The following PIP5K1C variants were observed in gnomAD, a reference collection of about 807,000 sequenced individuals.
PIP5K1C encodes the protein phosphatidylinositol-4-phosphate 5-kinase type 1 gamma.
In PIP5K1C, 45 loss-of-function variants were observed where a neutral mutation model predicts 80.1. That is an observed-to-expected ratio of 0.56 (90% confidence interval 0.44 to 0.72). PIP5K1C has a LOEUF of 0.72. PIP5K1C is among the 30% of genes least tolerant of loss of function. PIP5K1C has a pLI of 0.00. For missense variants in PIP5K1C, 753 were observed against 954.6 expected (o/e 0.79, Z 2.78); for synonymous variants, 498 against 420.1 (o/e 1.19, Z -2.27).
intron 9 of PIP5K1C, among the ~76,000 whole-genome samples, chr19:3,647,640 C>T (rs189136765): frequency 1.7e-3 from 256 of 152,234 alleles, no homozygotes; most frequent in Non-Finnish European, 2.4e-3. Flanking sequence ...GAGGGGGTGA[C>T]TGTTTTTAAA....
In PIP5K1C at chr19:3,645,957, G is replaced by C. The variant is rs556711125; in HGVS notation, c.1345+17C>G. ...TCCCCAGGGTCCCTCCCGCCTTGCG[G>C]GGCTCAGGTGGCTTACAGGAGTTCT... On this transcript the variant is annotated intron_variant, in intron 11 of 17. Coordinates refer to ENST00000335312, the MANE Select transcript of PIP5K1C (RefSeq NM_012398.3). 2 of 1,605,054 alleles carry C rather than the reference G, an allele frequency of 1.2e-6. No individual in the cohort carries two copies. The highest frequency in any genetic ancestry group is 2.2e-5 in the South Asian group (2 of 90,918).
At chr19:3,681,121 A>G (rs1017173762) in intron 1 of PIP5K1C, among the ~76,000 whole-genome samples, 1 of 151,900 alleles carries the variant, frequency 6.6e-6, no homozygotes, top group Admixed American at 6.6e-5. Flanking sequence ...TCAACACAGT[A>G]TGGAGGTATG....
intron 1 of PIP5K1C, among the ~76,000 whole-genome samples, chr19:3,676,822 G>T (rs908675445): frequency 6.6e-6 from 1 of 152,206 alleles, no homozygotes; most frequent in Admixed American, 6.5e-5. Context: ...ACTTTAAAAA[G>T]AAATATAAGA....
At chr19:3,665,316 C>A (rs2034972361) in intron 2 of PIP5K1C, among the ~76,000 whole-genome samples, 1 of 152,226 alleles carries the variant, frequency 6.6e-6, no homozygotes, top group South Asian at 2.1e-4. Context: ...CTGGCCTCCA[C>A]CCACTCCATG....
intron 16 of PIP5K1C, 91 bp from the exon 17 acceptor site, chr19:3,633,611 A>G: frequency 3.5e-6 from 3 of 868,214 alleles, no homozygotes; most frequent in Admixed American, 3.6e-5. Context: ...GAGACAGGAG[A>G]ACATAAAAGA....
intron 1 of PIP5K1C, among the ~76,000 whole-genome samples, chr19:3,678,039 T>TG (rs2035436686): frequency 1.7e-5 from 1 of 59,320 alleles, no homozygotes; most frequent in Non-Finnish European, 3.2e-5. Context: ...GGATGGAGAA[T>TG]GGAGGGATGG....
chr19:3,651,396 C>T (rs1201317841), intron 8 of PIP5K1C, among the ~76,000 whole-genome samples: 1 of 152,170 alleles, frequency 6.6e-6, no homozygotes, highest in African/African-American at 2.4e-5. Flanking sequence ...TTTTGCAGTC[C>T]CTCTGCTTCG....
chr19:3,666,859 C>T (rs1044144171), intron 2 of PIP5K1C, among the ~76,000 whole-genome samples: 3 of 152,386 alleles, frequency 2.0e-5, no homozygotes, highest in South Asian at 2.1e-4. Context: ...CTGTGCACTA[C>T]GCCTGTGTGG....
At chr19:3,651,420 G>A (rs2034444607) in intron 8 of PIP5K1C, among the ~76,000 whole-genome samples, 1 of 152,204 alleles carries the variant, frequency 6.6e-6, no homozygotes, top group South Asian at 2.1e-4. Flanking sequence ...GCTGTGTCCT[G>A]CTGTGAGCCC....
At position 3,678,077 on chromosome 19, in the gene PIP5K1C, A is replaced by AG. The variant is rs1183526449; in HGVS notation, c.95-10725dup. Among the ~76,000 whole-genome samples, 61 of 85,158 alleles carry AG rather than the reference A, an allele frequency of 7.2e-4. 3 individuals carry two copies. Among genetic ancestry groups the AG allele is most frequent in the African/African-American group, 2.4e-3 (52 of 21,678 alleles). The allele number at this position is 85,158 out of a possible 152,430, so 55.9% of individuals were successfully genotyped here. A position where few individuals can be genotyped will look rare whatever the true frequency, so the allele number is the denominator to read the frequency against. ...AATGGAGGGATGGAGAGATGGAAGG[A>AG]GAATGGAGGATGGAGGAGGGAGGGA... On this transcript the variant is annotated intron_variant, in intron 1 of 17. Transcript: ENST00000335312.
chr19:3,686,766 A>T (rs1415689685), intron 1 of PIP5K1C, among the ~76,000 whole-genome samples: 1 of 151,804 alleles, frequency 6.6e-6, no homozygotes, highest in Admixed American at 6.6e-5. Context: ...AAAATAAAAT[A>T]ATTACAAACT....
chr19:3,665,863 G>A (rs1169581909), intron 2 of PIP5K1C, among the ~76,000 whole-genome samples: 3 of 152,100 alleles, frequency 2.0e-5, no homozygotes, highest in Non-Finnish European at 4.4e-5. Context: ...TTTAAGGAGC[G>A]CCACTGCGTT....
chr19:3,677,127 T>C (rs920222626), intron 1 of PIP5K1C, among the ~76,000 whole-genome samples: 18 of 151,678 alleles, frequency 1.2e-4, no homozygotes, highest in African/African-American at 4.4e-4. Context: ...TAAAATAAAA[T>C]ATAAAATGAA....
chr19:3,633,232 A>T, intron 17 of PIP5K1C, 63 bp from the exon 18 acceptor site: 1 of 729,726 alleles, frequency 1.4e-6, no homozygotes, highest in Non-Finnish European at 2.5e-6. Context: ...GCCCCCTGCC[A>T]GGGACTGGCT....
intron 2 of PIP5K1C, among the ~76,000 whole-genome samples, chr19:3,666,616 T>C (rs976361594): frequency 2.1e-5 from 3 of 142,412 alleles, no homozygotes; most frequent in East Asian, 2.1e-4. Context: ...CACACGCACG[T>C]AGGCAAATGA....
intron 1 of PIP5K1C, among the ~76,000 whole-genome samples, chr19:3,671,153 T>C (rs539401602): frequency 4.9e-4 from 75 of 152,302 alleles, no homozygotes; most frequent in African/African-American, 1.8e-3. Context: ...TCGGCCTGTC[T>C]GGGGCCTCCC....
intron 3 of PIP5K1C, among the ~76,000 whole-genome samples, chr19:3,662,723 G>A (rs1026908556): frequency 4.6e-5 from 7 of 151,952 alleles, no homozygotes; most frequent in Non-Finnish European, 7.4e-5. Flanking sequence ...GCGCCGTCAC[G>A]CCTGGCTAAT....
intron 11 of PIP5K1C, among the ~76,000 whole-genome samples, chr19:3,645,016 G>C (rs1261657317): frequency 3.3e-5 from 5 of 152,242 alleles, no homozygotes; most frequent in Non-Finnish European, 7.3e-5. Flanking sequence ...AGGCTCAACG[G>C]CTGGCTCTCT....
Position 3,700,306 on chromosome 19 carries a change from C to T in PIP5K1C, c.85G>A (p.Ala29Thr). 1.6e-6 allele frequency: 2 copies of T among 1,285,768 alleles called. No individual in the cohort carries two copies. Among genetic ancestry groups the T allele is most frequent in the Non-Finnish European group, 2.0e-6 (2 of 1,000,124 alleles). The allele number at this position is 1,285,768 out of a possible 1,614,324, so 79.6% of individuals were successfully genotyped here. A position where few individuals can be genotyped will look rare whatever the true frequency, so the allele number is the denominator to read the frequency against. The change falls in exon 1 of 18, where the codon GCG (alanine) becomes ACG (threonine). Residue 29 changes from alanine to threonine, a missense_variant. Ala to Thr is a moderately conservative substitution (Grantham distance 58, BLOSUM62 0). Coordinates refer to ENST00000335312, the MANE Select transcript of PIP5K1C (RefSeq NM_012398.3). The stretch of plus-strand genomic sequence containing the variant: ...GAGGCCGGGCCGTTACCTGCCGCCG[C>T]CCCGCTCTCTGCCGCCCACGCCGCC... ...SEAAWAAESG[A>T]AAGLAQKKAA...
Sources: gnomAD v4.1 joint callset for allele counts (sites outside exome capture counted in the v4.1 genomes callset) on GRCh38, gnomAD v4.1.1 for gene constraint, MANE v1.5 for transcripts, NCBI Gene and HGNC (gene_info 2026-07-23, HGNC 2026-07-21) for gene names.